IFT122: variants seen among roughly 807,000 people sequenced by gnomAD.
IFT122 encodes intraflagellar transport 122.
A neutral mutation model predicts 161.6 loss-of-function variants in IFT122; 118 were observed. The observed-to-expected ratio is 0.73, with a 90% CI of 0.63 to 0.85. The LOEUF (loss-of-function observed/expected upper bound fraction) is 0.85. Ranked by LOEUF, IFT122 falls within the 40% of genes least tolerant of loss-of-function variation. The probability of loss-of-function intolerance (pLI) is 0.00; values close to 1 mark genes in which losing one functional copy is unlikely to be tolerated. For synonymous variants in IFT122, 550 were observed against 602.4 expected (o/e 0.91, Z 1.27); for missense variants, 1,381 against 1,579.6 (o/e 0.87, Z 2.13).
In IFT122 at chr3:129,479,849, T is replaced by A. The variant is rs1559917694; in HGVS notation, c.1415T>A (p.Leu472His). ...GAGCGGGAGTGGCAGATGGAGTCTC[T>A]CATTCGTTACATCAAGGTGATCGGT... ...VKEREWQMESLIRYIKVIGGP... is the reference protein window; with the variant it reads ...VKEREWQMESHIRYIKVIGGP... The change falls in exon 13 of 30, where the codon CTC becomes CAC. Residue 472 changes from leucine (L) to histidine (H), a missense_variant. Physicochemically the swap from Leu to His is moderately conservative, Grantham distance 99 (BLOSUM62 -3). Around this residue, in one of 7 missense-constraint regions of IFT122, gnomAD observed 544 missense variants for 648.0 expected, o/e 0.84. Transcript: ENST00000348417. 1 of 1,614,064 alleles carries A rather than the reference T, an allele frequency of 6.2e-7. No individual in the cohort carries two copies. The highest frequency in any genetic ancestry group is 8.5e-7 in the Non-Finnish European group (1 of 1,180,012).
chr3:129,457,409 C>T (rs2075640530), intron 3 of IFT122, among the ~76,000 whole-genome samples: 2 of 152,204 alleles, frequency 1.3e-5, no homozygotes, highest in African/African-American at 4.8e-5. Context: ...CCCACCTCAC[C>T]CTTCCCTCCG....
At chr3:129,486,646 TG>T (rs773060380) in intron 15 of IFT122, among the ~76,000 whole-genome samples, 51 of 151,660 alleles carry the variant, frequency 3.4e-4, no homozygotes, top group Non-Finnish European at 6.5e-4. Flanking sequence ...AAGGGAAAGG[TG>T]GGGGTAGGAA....
At chr3:129,459,480 G>A (rs1489947352) in intron 4 of IFT122, 4 of 311,436 alleles carry the variant, frequency 1.3e-5, no homozygotes. Flanking sequence ...TAGTAGAGAT[G>A]GGGTTTCACC....
At chr3:129,483,055 C>T (rs1182929724) in intron 14 of IFT122, among the ~76,000 whole-genome samples, 2 of 152,140 alleles carry the variant, frequency 1.3e-5, no homozygotes, top group East Asian at 3.9e-4. Context: ...GAGACATCAG[C>T]ATTCCCAGCT....
At chr3:129,449,209 C>T (rs2074431102) in intron 1 of IFT122, among the ~76,000 whole-genome samples, 1 of 152,202 alleles carries the variant, frequency 6.6e-6, no homozygotes, top group Admixed American at 6.5e-5. Flanking sequence ...AAGCCTTTAT[C>T]AGAGTACTGT....
At chr3:129,469,561 C>A in intron 9 of IFT122, 144 bp downstream of exon 9, 1 of 712,078 alleles carries the variant, frequency 1.4e-6, no homozygotes, top group Non-Finnish European at 2.5e-6. Flanking sequence ...GTGCTCACTG[C>A]TTTGCATACT....
Position 129,467,009 on chromosome 3 carries a change from G to A in IFT122, c.683G>A (p.Ser228Asn), listed in dbSNP as rs760048530. ...LKSAVYSSQG[S>N]EAEEEEPEEE... ...TCAGCAGTGTACAGTAGTCAGGGTA[G>A]TGAGGCAGAGGAGGAAGAACCAGAG... Residue 228 changes from serine to asparagine, a missense_variant, in exon 8 of 30, where the codon AGT becomes AAT. Ser to Asn is a conservative substitution (Grantham distance 46, BLOSUM62 1). Coordinates refer to ENST00000348417, the MANE Select transcript of IFT122 (RefSeq NM_052989.3). 2 of 1,614,234 alleles carry A rather than the reference G, an allele frequency of 1.2e-6. No individual in the cohort carries two copies. Among genetic ancestry groups the A allele is most frequent in the East Asian group, 4.5e-5 (2 of 44,888 alleles).
chr3:129,459,636 CCCTCCCTCCCTCCCTT>C (rs1448879664), intron 4 of IFT122, among the ~76,000 whole-genome samples: 11 of 127,586 alleles, frequency 8.6e-5, no homozygotes, highest in African/African-American at 3.2e-4. Flanking sequence ...TTCCTTCCTT[CCCTCCCTCCCTCCCTT>C]CTTCCTTCCT....
chr3:129,517,611 C>A lies in IFT122; in HGVS notation c.3391+17C>A, dbSNP rs373041576. 3.1e-6 allele frequency: 5 copies of A among 1,611,122 alleles called. No homozygotes were observed. The highest frequency in any genetic ancestry group is 3.4e-6 in the Non-Finnish European group (4 of 1,178,090). On this transcript the variant is annotated intron_variant, in intron 27 of 29. Coordinates refer to ENST00000348417, the MANE Select transcript of IFT122 (RefSeq NM_052989.3). Reference sequence around the variant, plus strand: ...CAAACAACAGTATCCATGCCCTTGGCCAGAGCCTGTGTGTGCGGCTGTGTG... The same window carrying A: ...CAAACAACAGTATCCATGCCCTTGGACAGAGCCTGTGTGTGCGGCTGTGTG...
At position 129,519,121 on chromosome 3, in the gene IFT122, C is replaced by T. The variant is rs759981362; in HGVS notation, c.3406C>T (p.Arg1136Trp). ...GATCCCTCCAGGCTCCCAGATTCTG[C>T]GGCTAGTGGAGACCAAGGACTCCAT... ...EIANNSSQIL[R>W]LVETKDSIGD... Residue 1136 changes from arginine (R) to tryptophan (W), a missense_variant, in exon 28 of 30, where the codon CGG (arginine) becomes TGG (tryptophan). By Grantham distance (101) the Arg-to-Trp change is moderately radical (BLOSUM62 -3). Transcript: ENST00000348417. 34 of 1,613,926 alleles carry T rather than the reference C, an allele frequency of 2.1e-5. No individual in the cohort carries two copies. Among genetic ancestry groups the T allele is most frequent in the South Asian group, 3.3e-5 (3 of 91,082 alleles).
In IFT122 at chr3:129,513,749, G is replaced by A. The variant is rs550215986; in HGVS notation, c.2988-640G>A. Reference sequence around the variant, plus strand: ...TGGACGGGGCTGCACTGCAGACGGCGGGAGCAGGAACACTGGGAGAGATGC... The same window carrying A: ...TGGACGGGGCTGCACTGCAGACGGCAGGAGCAGGAACACTGGGAGAGATGC... On this transcript the variant is annotated intron_variant, in intron 24 of 29. Coordinates refer to ENST00000348417, the MANE Select transcript of IFT122 (RefSeq NM_052989.3). 1.5e-4 allele frequency: 29 copies of A among 188,640 alleles called. No homozygotes were observed. The South Asian group carries it at 2.9e-3, about 19-fold the overall frequency. 11.7% of individuals were successfully genotyped at this position (188,640 alleles called of 1,614,324 possible).
intron 3 of IFT122, chr3:129,456,360 C>T (rs902742268): frequency 2.5e-5 from 25 of 999,680 alleles, no homozygotes; most frequent in East Asian, 6.1e-5. Context: ...GGTACTTGGC[C>T]GGGTGTGGTG....
chr3:129,465,276 A>G (rs2076617663), intron 7 of IFT122, among the ~76,000 whole-genome samples: 1 of 151,876 alleles, frequency 6.6e-6, no homozygotes. Context: ...TGGGCAGAAT[A>G]TGTGCCCACC....
intron 1 of IFT122, among the ~76,000 whole-genome samples, chr3:129,444,775 C>T (rs1322400708): frequency 6.6e-6 from 1 of 152,186 alleles, no homozygotes; most frequent in Non-Finnish European, 1.5e-5. Flanking sequence ...CTGCCTCGGC[C>T]TCCCAAAATG....
intron 6 of IFT122, among the ~76,000 whole-genome samples, chr3:129,463,915 G>T (rs957179139): frequency 6.6e-6 from 1 of 152,190 alleles, no homozygotes; most frequent in African/African-American, 2.4e-5. Context: ...TCATTGTCCA[G>T]GCAGCATGTG....
intron 3 of IFT122, among the ~76,000 whole-genome samples, 188 bp from the exon 4 acceptor site, chr3:129,458,411 T>C (rs778606658): frequency 2.6e-5 from 4 of 152,200 alleles, no homozygotes; most frequent in Non-Finnish European, 5.9e-5. Flanking sequence ...GTTTACTCAG[T>C]GTCAGACAAA....
intron 5 of IFT122, among the ~76,000 whole-genome samples, chr3:129,462,532 T>C (rs2076305963): frequency 6.6e-6 from 1 of 152,246 alleles, no homozygotes; most frequent in Non-Finnish European, 1.5e-5. Flanking sequence ...CCTGCTCTGC[T>C]AAGCACTGCT....
At chr3:129,442,797 G>A (rs913965921) in intron 1 of IFT122, among the ~76,000 whole-genome samples, 4 of 152,072 alleles carry the variant, frequency 2.6e-5, no homozygotes, top group Non-Finnish European at 4.4e-5. Flanking sequence ...ATGTCAAGTC[G>A]TGCATTTTGC....
rs181971625 is a variant in IFT122 at position 129,458,604 on chromosome 3, C to A, written c.199C>A (p.Arg67Ser). Residue 67 changes from arginine (R) to serine (S), a missense_variant, in exon 4 of 30, where the codon CGC becomes AGC. This residue lies in a region of IFT122 where 134 missense variants were observed against 137.4 expected (regional missense o/e 0.98). Transcript: ENST00000348417. ...CATTTTACAAACACTTTTAGGCAAG[C>A]GCTTTGCTTCTGGATCAGCTGACAA... ...YCVAYAKDGK[R>S]FASGSADKSV... 1.9e-5 allele frequency: 30 copies of A among 1,613,512 alleles called. No homozygotes were observed. In the East Asian group the frequency reaches 2.7e-4, roughly 14 times the overall value.
Sources: allele counts gnomAD v4.1 joint callset (sites outside exome capture counted in the v4.1 genomes callset), GRCh38; gene constraint gnomAD v4.1.1; regional missense constraint gnomAD v4.1.1; transcripts MANE v1.5; gene names NCBI Gene and HGNC (gene_info 2026-07-23, HGNC 2026-07-21).